Variants in AKAP12 observed in about 807,000 individuals in gnomAD.
The protein encoded by AKAP12 is A-kinase anchoring protein 12, also known as A-kinase anchor protein 12.
A neutral mutation model predicts 79.9 loss-of-function variants in AKAP12; 32 were observed. The ratio of observed to expected loss-of-function variants is 0.40; its 90% CI spans 0.30 to 0.54. The LOEUF (loss-of-function observed/expected upper bound fraction) is 0.54, where lower values mean the gene tolerates loss of function less well. Among genes scored for constraint, AKAP12 ranks in the 20% least tolerant of loss-of-function variants. The pLI, the probability that AKAP12 is intolerant of heterozygous loss-of-function variation, is 0.48. For missense variants in AKAP12, 2,074 were observed against 2,177.0 expected (o/e 0.95, Z 0.94); for synonymous variants, 808 against 857.0 (o/e 0.94, Z 1.00).
chr6:151,349,736 G>C lies in AKAP12; in HGVS notation c.1345G>C (p.Glu449Gln). ...AGSVPAEELV[E>Q]MDAEPQEAEP... is the part of the protein sequence containing the mutation. The stretch of plus-strand genomic sequence containing the variant: ...GTCTGTGCCAGCTGAAGAATTGGTT[G>C]AAATGGATGCAGAACCTCAGGAAGC... The change falls in exon 4 of 5, where the codon GAA becomes CAA. Residue 449 changes from glutamate (E) to glutamine (Q), a missense_variant. Transcript: ENST00000402676. 6.2e-7 allele frequency: 1 copy of C among 1,614,158 alleles called. No homozygotes were observed. The highest frequency in any genetic ancestry group is 1.7e-5 in the Admixed American group (1 of 60,012).
intron 3 of AKAP12, among the ~76,000 whole-genome samples, chr6:151,334,563 C>T (rs1458143976): frequency 6.6e-6 from 1 of 151,426 alleles, no homozygotes; most frequent in Non-Finnish European, 1.5e-5. Flanking sequence ...CCACTGTACT[C>T]CAGCCTGGGC....
rs774076198 is a variant in AKAP12, at chr6:151,351,860, G to C, written c.3469G>C (p.Ala1157Pro). 6 of 1,614,078 alleles carry C rather than the reference G, an allele frequency of 3.7e-6. No individual in the cohort carries two copies. Among genetic ancestry groups the C allele is most frequent in the South Asian group, 3.3e-5 (3 of 91,070 alleles). The change falls in exon 4 of 5, where the codon GCT (alanine) becomes CCT (proline). Residue 1157 changes from alanine to proline, a missense_variant. Around this residue, in one of 3 missense-constraint regions of AKAP12, gnomAD observed 1,428 missense variants for 1,451.0 expected, o/e 0.98. Coordinates refer to ENST00000402676, the MANE Select transcript of AKAP12 (RefSeq NM_005100.4). The surrounding 1 kb of genome is among the most constrained non-coding windows in gnomAD (Gnocchi z 4.4). ...VKSQEMVMEQ[A>P]IPPDSVETPT... ...ATCACAGGAGATGGTGATGGAACAG[G>C]CTATCCCCCCTGACTCGGTGGAAAC... is the stretch of plus-strand genomic sequence containing the variant.
At position 151,352,280 on chromosome 6, in the gene AKAP12, G is replaced by A. The variant is rs767805748; in HGVS notation, c.3889G>A (p.Glu1297Lys). 6.2e-7 allele frequency: 1 copy of A among 1,614,188 alleles called. No individual in the cohort carries two copies. The highest frequency in any genetic ancestry group is 1.7e-5 in the Admixed American group (1 of 60,026). Residue 1297 changes from glutamate to lysine, a missense_variant, in exon 4 of 5, where the codon GAA becomes AAA. Physicochemically the swap from Glu to Lys is moderately conservative, Grantham distance 56. Transcript: ENST00000402676. ...AGACACAGGCATAACAGTCAGTCGG[G>A]AAAAGGTCACTGAAGTTGCCCTTAA... ...SIDTGITVSR[E>K]KVTEVALKGE...
At chr6:151,248,476 G>A (rs1797116948) in intron 2 of AKAP12, among the ~76,000 whole-genome samples, 1 of 152,038 alleles carries the variant, frequency 6.6e-6, no homozygotes, top group Non-Finnish European at 1.5e-5. Flanking sequence ...GGGAGGGGAA[G>A]GAGTAGGCGT....
In AKAP12 at chr6:151,352,844, C is replaced by G. The variant is rs767530647; in HGVS notation, c.4453C>G (p.Pro1485Ala). ...GCCCGACTGTCAGGCAAAATCGACA[C>G]CAGTGATAGTATCTGCTACTACCAA... ...TGPDCQAKST[P>A]VIVSATTKKG... The change falls in exon 4 of 5, where the codon CCA (proline) becomes GCA (alanine). Residue 1485 changes from proline to alanine, a missense_variant. This residue lies in a region of AKAP12 where 614 missense variants were observed against 665.6 expected (regional missense o/e 0.92). Coordinates refer to ENST00000402676, the MANE Select transcript of AKAP12 (RefSeq NM_005100.4). 1.9e-6 allele frequency: 3 copies of G among 1,614,028 alleles called. No individual in the cohort carries two copies. The highest frequency in any genetic ancestry group is 1.3e-5 in the African/African-American group (1 of 74,886).
chr6:151,294,757 G>A (rs1776689548), intron 2 of AKAP12, among the ~76,000 whole-genome samples: 1 of 152,154 alleles, frequency 6.6e-6, no homozygotes, highest in Non-Finnish European at 1.5e-5. Context: ...CAGAGAACTC[G>A]GGAGTTTTAA....
At chr6:151,327,816 A>C (rs1365697056) in intron 3 of AKAP12, among the ~76,000 whole-genome samples, 1 of 152,186 alleles carries the variant, frequency 6.6e-6, no homozygotes, top group Non-Finnish European at 1.5e-5. Flanking sequence ...GATATGGCAA[A>C]ATTTTGCACT....
chr6:151,260,251 G>A (rs955987977), intron 2 of AKAP12, among the ~76,000 whole-genome samples: 2 of 152,088 alleles, frequency 1.3e-5, no homozygotes, highest in Admixed American at 1.3e-4. Context: ...TATCATTCCC[G>A]TTTTTAAAAT....
intron 2 of AKAP12, among the ~76,000 whole-genome samples, chr6:151,252,283 C>T (rs565838045): frequency 6.6e-5 from 10 of 151,894 alleles, no homozygotes; most frequent in Non-Finnish European, 1.0e-4. Flanking sequence ...ACTGCACCCC[C>T]GCCTCCCGGG....
chr6:151,296,377 A>C (rs779644824), intron 2 of AKAP12, among the ~76,000 whole-genome samples: 90 of 152,302 alleles, frequency 5.9e-4, no homozygotes, highest in Admixed American at 2.9e-3. Context: ...AGGCCTCCTC[A>C]TATTTTTCTT....
chr6:151,267,920 T>C (rs146392447), intron 2 of AKAP12, among the ~76,000 whole-genome samples: 1 of 152,300 alleles, frequency 6.6e-6, no homozygotes, highest in African/African-American at 2.4e-5. Flanking sequence ...CCTGTCTCTC[T>C]CGGCGTTTGC....
At chr6:151,266,778 A>G (rs773412167) in intron 2 of AKAP12, among the ~76,000 whole-genome samples, 14 of 152,190 alleles carry the variant, frequency 9.2e-5, no homozygotes, top group African/African-American at 1.4e-4. Flanking sequence ...ATTCAGGGGC[A>G]CAGGAGAAAT....
rs1778315542 is a variant in AKAP12, at chr6:151,352,291, T to A, written c.3900T>A (p.Thr1300=). ...TGITVSREKV[T]EVALKGEGTE... ...TAACAGTCAGTCGGGAAAAGGTCACTGAAGTTGCCCTTAAAGGTGAAGGGA... is the reference window on the plus strand; with the variant it reads ...TAACAGTCAGTCGGGAAAAGGTCACAGAAGTTGCCCTTAAAGGTGAAGGGA... Residue 1300 remains threonine, a synonymous_variant, in exon 4 of 5, where the codon ACT becomes ACA. Transcript: ENST00000402676. 6.2e-7 allele frequency: 1 copy of A among 1,614,066 alleles called. No individual in the cohort carries two copies. Among genetic ancestry groups the A allele is most frequent in the African/African-American group, 1.3e-5 (1 of 74,930 alleles).
At chr6:151,271,457 G>T (rs1344432648) in intron 2 of AKAP12, among the ~76,000 whole-genome samples, 1 of 151,892 alleles carries the variant, frequency 6.6e-6, no homozygotes, top group Non-Finnish European at 1.5e-5. Flanking sequence ...GAGTAGCTGG[G>T]ACTACAGGCC....
chr6:151,242,609 A>C (rs1582826714), intron 2 of AKAP12, among the ~76,000 whole-genome samples: 1 of 152,352 alleles, frequency 6.6e-6, no homozygotes, highest in Non-Finnish European at 1.5e-5. Context: ...TCCCCAATTA[A>C]GAATGACTCA....
chr6:151,331,608 G>C (rs1397414605), intron 3 of AKAP12, among the ~76,000 whole-genome samples: 1 of 152,028 alleles, frequency 6.6e-6, no homozygotes, highest in East Asian at 1.9e-4. Flanking sequence ...AGTTTTGGCC[G>C]GGTGCGGTGG....
At chr6:151,323,387 C>T (rs1334879360) in intron 3 of AKAP12, among the ~76,000 whole-genome samples, 1 of 152,118 alleles carries the variant, frequency 6.6e-6, no homozygotes, top group South Asian at 2.1e-4. Context: ...CCCGTCTCCA[C>T]TAAAAATACA....
At chr6:151,252,651 T>C (rs1041662426) in intron 2 of AKAP12, among the ~76,000 whole-genome samples, 1 of 146,426 alleles carries the variant, frequency 6.8e-6, no homozygotes, top group Non-Finnish European at 1.5e-5. Flanking sequence ...CCCAGTACTT[T>C]GGGAGGCCAA....
intron 2 of AKAP12, among the ~76,000 whole-genome samples, chr6:151,266,752 A>G (rs1223843847): frequency 1.3e-5 from 2 of 152,232 alleles, no homozygotes; most frequent in Non-Finnish European, 2.9e-5. Flanking sequence ...TATGGTACAT[A>G]TACCTGATCA....
Sources: allele counts gnomAD v4.1 joint callset (sites outside exome capture counted in the v4.1 genomes callset), GRCh38; gene constraint gnomAD v4.1.1; regional missense constraint gnomAD v4.1.1; non-coding constraint Gnocchi (gnomAD v3.1); transcripts MANE v1.5; gene names NCBI Gene and HGNC (gene_info 2026-07-23, HGNC 2026-07-21).